MARK4: variants seen among roughly 807,000 people sequenced by gnomAD.
The protein encoded by MARK4 is MAP/microtubule affinity-regulating kinase 4.
Under a neutral mutation model 81.5 loss-of-function variants are expected in MARK4, and 19 were observed. That is an observed-to-expected ratio of 0.23 (90% CI 0.16 to 0.34). The LOEUF (loss-of-function observed/expected upper bound fraction) is 0.34. MARK4 is among the 10% of genes least tolerant of loss of function. The pLI is 1.00. For synonymous variants in MARK4, 436 were observed against 439.0 expected (o/e 0.99, Z 0.08); for missense variants, 772 against 1,058.8 (o/e 0.73, Z 3.76).
Position 45,263,183 on chromosome 19 carries a change from G to A in MARK4, c.306+17G>A, listed in dbSNP as rs779166910. 70 of 1,610,650 alleles carry A rather than the reference G, an allele frequency of 4.3e-5. No individual in the cohort carries two copies. The highest frequency in any genetic ancestry group is 4.0e-4 in the Admixed American group (24 of 59,448). Reference sequence around the variant, plus strand: ...CTGCAGAAGGTGAGGCTGGGGAGACGGGGGAGAGCAGGAGCCAGGCTTCCG... The same window carrying A: ...CTGCAGAAGGTGAGGCTGGGGAGACAGGGGAGAGCAGGAGCCAGGCTTCCG... On this transcript the variant is annotated intron_variant, in intron 3 of 16. Coordinates refer to ENST00000262891, the MANE Select transcript of MARK4 (RefSeq NM_001199867.2).
chr19:45,261,045 G>A (rs1199501440), intron 2 of MARK4, among the ~76,000 whole-genome samples: 3 of 152,118 alleles, frequency 2.0e-5, no homozygotes. Context: ...GAAATGATTG[G>A]AATGAATTAT....
At chr19:45,281,655 A>G (rs909587036) in intron 12 of MARK4, among the ~76,000 whole-genome samples, 25 of 152,196 alleles carry the variant, frequency 1.6e-4, no homozygotes, top group African/African-American at 6.0e-4. Flanking sequence ...CACTGCACCC[A>G]GCCCCCAATT....
At chr19:45,258,869 G>A in intron 1 of MARK4, 120 bp from the exon 2 acceptor site, 1 of 1,035,394 alleles carries the variant, frequency 9.7e-7, no homozygotes, top group Non-Finnish European at 1.4e-6. Flanking sequence ...GGCTCTCTGG[G>A]GCCTGAGTTT....
chr19:45,275,087 C>A (rs543034494), intron 8 of MARK4, among the ~76,000 whole-genome samples: 92 of 152,228 alleles, frequency 6.0e-4, no homozygotes, highest in African/African-American at 2.2e-3. Context: ...ATGGTGAAAC[C>A]CCGTCTCTAC....
chr19:45,268,966 C>T (rs1425045707), intron 7 of MARK4, among the ~76,000 whole-genome samples: 6 of 152,116 alleles, frequency 3.9e-5, no homozygotes, highest in African/African-American at 7.2e-5. Context: ...GTGGAGGGTC[C>T]CCAAAGCAGC....
chr19:45,288,552 CAAAA>C (rs60847753), intron 13 of MARK4: 147 of 100,648 alleles, frequency 1.5e-3, no homozygotes, highest in Middle Eastern at 6.3e-3. Context: ...GACTCCATTT[CAAAA>C]AAAAAAAAAA....
Position 45,269,791 on chromosome 19 carries a change from C to T in MARK4, c.550-1681C>T, listed in dbSNP as rs181997088. 7.2e-5 allele frequency among the ~76,000 whole-genome samples: 11 copies of T among 152,268 alleles called. No individual in the cohort carries two copies. In the East Asian group the frequency reaches 2.1e-3, roughly 29 times the overall value. On this transcript the variant is annotated intron_variant, in intron 7 of 16. Transcript: ENST00000262891. ...TTCCTCCCCTGTGAAATGGCAATTG[C>T]AAGACCGCATGCCGCAAAAAAATAG...
intron 7 of MARK4, among the ~76,000 whole-genome samples, chr19:45,270,169 T>A (rs1311150525): frequency 6.6e-6 from 1 of 152,170 alleles, no homozygotes; most frequent in East Asian, 1.9e-4. Flanking sequence ...TAGGGGCCGC[T>A]GTGAGCACTT....
At chr19:45,279,684 A>G (rs529523513) in intron 10 of MARK4, among the ~76,000 whole-genome samples, 115 of 152,316 alleles carry the variant, frequency 7.6e-4, no homozygotes, top group Admixed American at 7.3e-3. Flanking sequence ...GGTTTAACCT[A>G]ATAGTGATGA....
chr19:45,253,129 A>G (rs758478306), intron 1 of MARK4, among the ~76,000 whole-genome samples: 2 of 151,236 alleles, frequency 1.3e-5, no homozygotes, highest in African/African-American at 4.9e-5. Context: ...CTTTCTCCAA[A>G]TCCTTCTGCC....
chr19:45,287,771 C>T, intron 13 of MARK4, 107 bp downstream of exon 13: 1 of 1,235,090 alleles, frequency 8.1e-7, no homozygotes. Flanking sequence ...TTACCAACTC[C>T]TTCTTCTACC....
intron 8 of MARK4, among the ~76,000 whole-genome samples, chr19:45,272,191 G>T (rs1970537352): frequency 6.6e-6 from 1 of 152,148 alleles, no homozygotes; most frequent in African/African-American, 2.4e-5. Context: ...AATTAACCGG[G>T]CATAATGGCG....
intron 7 of MARK4, among the ~76,000 whole-genome samples, chr19:45,269,589 A>C (rs893161606): frequency 1.3e-5 from 2 of 152,144 alleles, no homozygotes; most frequent in African/African-American, 4.8e-5. Context: ...GAAGGACCGC[A>C]GTTGGGATGG....
chr19:45,280,693 C>A lies in MARK4; in HGVS notation c.1235C>A (p.Ser412Tyr). The A allele has an allele frequency of 1.2e-6, 2 of 1,614,140 alleles. No individual in the cohort carries two copies. Among genetic ancestry groups the A allele is most frequent in the Non-Finnish European group, 1.7e-6 (2 of 1,180,018 alleles). Residue 412 changes from serine (S) to tyrosine (Y), a missense_variant, in exon 12 of 17, where the codon TCC becomes TAC. Ser to Tyr is a moderately radical substitution (Grantham distance 144, BLOSUM62 -2). Coordinates refer to ENST00000262891, the MANE Select transcript of MARK4 (RefSeq NM_001199867.2). ...GTSHSKGQRS[S>Y]SSTYHRQRRH... ...AGCCACAGCAAAGGGCAGCGGAGTTCCTCTTCCACCTACCACCGCCAGCGC... is the reference window on the plus strand; with the variant it reads ...AGCCACAGCAAAGGGCAGCGGAGTTACTCTTCCACCTACCACCGCCAGCGC...
At chr19:45,282,761 T>A (rs1346975711) in intron 12 of MARK4, among the ~76,000 whole-genome samples, 2 of 151,272 alleles carry the variant, frequency 1.3e-5, no homozygotes, top group African/African-American at 4.9e-5. Flanking sequence ...GAGGTGGAGG[T>A]TGCAGTGAGC....
rs1970346702 is a variant in MARK4, at chr19:45,259,045, C to T, written c.108C>T (p.Arg36=). 1.2e-6 allele frequency: 2 copies of T among 1,613,992 alleles called. No individual in the cohort carries two copies. Among genetic ancestry groups the T allele is most frequent in the African/African-American group, 1.3e-5 (1 of 75,066 alleles). Residue 36 remains arginine, a synonymous_variant, in exon 2 of 17, where the codon CGC becomes CGT. Coordinates refer to ENST00000262891, the MANE Select transcript of MARK4 (RefSeq NM_001199867.2). The part of the protein sequence containing the change: ...SSDKGPSWSS[R]SLGARCRNSI... ...ACAAAGGCCCGTCCTGGTCCAGCCG[C>T]TCACTGGGTGCCCGTTGCCGGAACT...
At chr19:45,269,216 T>TA (rs1970494356) in intron 7 of MARK4, among the ~76,000 whole-genome samples, 1 of 151,926 alleles carries the variant, frequency 6.6e-6, no homozygotes, top group African/African-American at 2.4e-5. Context: ...TCGTCTCTAC[T>TA]AAAAATAAAA....
chr19:45,254,664 C>T (rs1057039468), intron 1 of MARK4, among the ~76,000 whole-genome samples: 2 of 152,168 alleles, frequency 1.3e-5, no homozygotes, highest in African/African-American at 2.4e-5. Context: ...GGTGAGGGCA[C>T]GGCAGGCAGT....
In MARK4 at chr19:45,294,399, A is replaced by G; in HGVS notation, c.1545A>G (p.Thr515=). The change falls in exon 14 of 17, where the codon ACA becomes ACG. Residue 515 remains threonine, a synonymous_variant. Transcript: ENST00000262891. The part of the protein sequence containing the change: ...MMTRRNTYVC[T]ERPGAERPSL... ...CCCGCAGAAACACCTACGTTTGCACAGAACGCCCGGGGGCTGAGCGCCCGT... is the reference window on the plus strand; with the variant it reads ...CCCGCAGAAACACCTACGTTTGCACGGAACGCCCGGGGGCTGAGCGCCCGT... The G allele has an allele frequency of 6.2e-7, 1 of 1,614,172 alleles. No homozygotes were observed. The highest frequency in any genetic ancestry group is 1.3e-5 in the African/African-American group (1 of 75,040).
Sources: gnomAD v4.1 joint callset for allele counts (sites outside exome capture counted in the v4.1 genomes callset) on GRCh38, gnomAD v4.1.1 for gene constraint, MANE v1.5 for transcripts, NCBI Gene and HGNC (gene_info 2026-07-23, HGNC 2026-07-21) for gene names.